The following FAM184A variants were observed in gnomAD, a reference collection of about 807,000 sequenced individuals.
FAM184A encodes the protein protein FAM184A.
FAM184A carries 99 observed loss-of-function variants against 143.8 expected under a neutral mutation model. That is an observed-to-expected ratio of 0.69 (90% CI 0.58 to 0.81). FAM184A has a LOEUF of 0.81. FAM184A is among the 40% of genes least tolerant of loss of function. FAM184A has a pLI of 0.00. For missense variants in FAM184A, 1,217 were observed against 1,310.5 expected, an observed-to-expected ratio of 0.93 and a Z score of 1.10; for synonymous variants, 427 against 446.4, an observed-to-expected ratio of 0.96 and a Z score of 0.55.
At chr6:119,094,305 C>G (rs1446846606) in intron 1 of FAM184A, among the ~76,000 whole-genome samples, 1 of 152,148 alleles carries the variant, frequency 6.6e-6, no homozygotes, top group African/African-American at 2.4e-5. Flanking sequence ...CACAGAATGT[C>G]TTGACCTGAT....
At chr6:119,109,005 C>T (rs1163692632) in intron 1 of FAM184A, among the ~76,000 whole-genome samples, 1 of 149,616 alleles carries the variant, frequency 6.7e-6, no homozygotes, top group Non-Finnish European at 1.5e-5. Flanking sequence ...CAAACATCTG[C>T]ATCCTTTCTT....
upstream of FAM184A, among the ~76,000 whole-genome samples, chr6:119,081,638 G>A (rs1448413663): frequency 6.6e-6 from 1 of 152,212 alleles, no homozygotes; most frequent in Non-Finnish European, 1.5e-5. Flanking sequence ...TGGGCTTGGA[G>A]AATGAGTGCA....
At position 119,002,848 on chromosome 6, in the gene FAM184A, CAG is replaced by C. The variant is rs771334510; in HGVS notation, c.2088+49_2088+50del. 6.2e-6 allele frequency: 9 copies of C among 1,449,726 alleles called. No homozygotes were observed. The African/African-American group carries it at 1.0e-4, about 16-fold the overall frequency. 89.8% of individuals were successfully genotyped at this position (1,449,726 alleles called of 1,614,324 possible). On this transcript the variant is annotated intron_variant, in intron 9 of 17. Coordinates refer to ENST00000338891, the MANE Select transcript of FAM184A (RefSeq NM_024581.6). ...CAGAGTTTTACAATATTTGCCTAGC[CAG>C]AGAATGTCAAGGGAGATGAAACTTC...
At chr6:119,116,906 G>T (rs1050078051) in intron 1 of FAM184A, among the ~76,000 whole-genome samples, 3 of 152,202 alleles carry the variant, frequency 2.0e-5, no homozygotes, top group South Asian at 2.1e-4. Flanking sequence ...GCCAGAAGAG[G>T]ACCCTGGGGA....
At chr6:119,039,811 C>T (rs556221089) in intron 1 of FAM184A, among the ~76,000 whole-genome samples, 1 of 152,302 alleles carries the variant, frequency 6.6e-6, no homozygotes, top group South Asian at 2.1e-4. Flanking sequence ...CTGTTAACAT[C>T]AAAACGTTAA....
At chr6:119,028,156 T>G (rs560590418) in intron 1 of FAM184A, among the ~76,000 whole-genome samples, 1 of 152,284 alleles carries the variant, frequency 6.6e-6, no homozygotes, top group East Asian at 1.9e-4. Context: ...GGAGGCCAGA[T>G]TTGAGCATTT....
upstream of FAM184A, among the ~76,000 whole-genome samples, chr6:119,082,651 G>A (rs1043185018): frequency 2.0e-5 from 3 of 152,258 alleles, no homozygotes; most frequent in Admixed American, 2.0e-4. Flanking sequence ...TTGACTCCAT[G>A]TCTCACATCC....
chr6:119,136,291 A>C (rs939727908), intron 1 of FAM184A, among the ~76,000 whole-genome samples: 3 of 151,090 alleles, frequency 2.0e-5, no homozygotes, highest in African/African-American at 4.8e-5. Flanking sequence ...TCTCAAAAAA[A>C]AAAAAAAAAA....
chr6:119,049,541 C>T (rs1786666978), intron 1 of FAM184A, among the ~76,000 whole-genome samples: 1 of 152,142 alleles, frequency 6.6e-6, no homozygotes, highest in Admixed American at 6.6e-5. Flanking sequence ...ATACCTATGA[C>T]CATCTAATCT....
rs772310108 is a variant in FAM184A, at chr6:118,975,991, G to T, written c.2509C>A (p.Arg837=). 8.1e-6 allele frequency: 13 copies of T among 1,613,032 alleles called. 1 individual carries two copies. The Admixed American group carries it at 1.8e-4, about 23-fold the overall frequency. Residue 837 remains arginine, a synonymous_variant, in exon 12 of 18, where the codon CGG becomes AGG. Coordinates refer to ENST00000338891, the MANE Select transcript of FAM184A (RefSeq NM_024581.6). The stretch of plus-strand genomic sequence containing the variant: ...GCCAATTCTTGATGATGATTATGCC[G>T]TAACAAATCAATTGCAGCTGCATGT... ...HQHAAAIDLL[R]HNHHQELAAA...
chr6:119,008,460 C>T (rs766508092), intron 6 of FAM184A, among the ~76,000 whole-genome samples: 3 of 152,190 alleles, frequency 2.0e-5, no homozygotes, highest in Non-Finnish European at 4.4e-5. Flanking sequence ...GAAGTCAACA[C>T]AAGAACAAAC....
At chr6:119,001,297 G>C (rs1784749251) in intron 9 of FAM184A, among the ~76,000 whole-genome samples, 1 of 151,188 alleles carries the variant, frequency 6.6e-6, no homozygotes. Context: ...AAACAATTCA[G>C]AAGTGTGGAA....
At chr6:119,025,719 G>A in intron 1 of FAM184A, 1 of 451,910 alleles carries the variant, frequency 2.2e-6, no homozygotes, top group Non-Finnish European at 4.3e-6. Flanking sequence ...AAGGCTTTGA[G>A]ATGAGCCCAC....
chr6:119,008,228 T>A (rs973263284), intron 6 of FAM184A, among the ~76,000 whole-genome samples: 1 of 152,206 alleles, frequency 6.6e-6, no homozygotes, highest in Non-Finnish European at 1.5e-5. Flanking sequence ...TATCGGTCCA[T>A]GTGGTCTTAG....
chr6:119,128,112 A>G (rs1265764501), intron 1 of FAM184A, among the ~76,000 whole-genome samples: 1 of 152,122 alleles, frequency 6.6e-6, no homozygotes, highest in Non-Finnish European at 1.5e-5. Flanking sequence ...ATTAACATTA[A>G]AACAGAGATC....
chr6:119,101,660 GT>G (rs1242528987), intron 1 of FAM184A, among the ~76,000 whole-genome samples: 1 of 152,150 alleles, frequency 6.6e-6, no homozygotes, highest in East Asian at 1.9e-4. Flanking sequence ...TACAAATCAT[GT>G]TAACATTCTT....
At chr6:119,028,177 TC>T (rs1314616233) in intron 1 of FAM184A, among the ~76,000 whole-genome samples, 6 of 152,054 alleles carry the variant, frequency 3.9e-5, no homozygotes, top group Non-Finnish European at 7.4e-5. Context: ...AGCTGGCTGG[TC>T]CCCCCCTGCT....
chr6:118,989,563 T>G (rs546051197), intron 9 of FAM184A, among the ~76,000 whole-genome samples: 27 of 115,836 alleles, frequency 2.3e-4, no homozygotes, highest in African/African-American at 7.9e-4. Context: ...GACTAAGATA[T>G]CCAATGATAT....
At chr6:119,063,311 TA>T (rs1562134275) in intron 1 of FAM184A, among the ~76,000 whole-genome samples, 1 of 152,154 alleles carries the variant, frequency 6.6e-6, no homozygotes, top group Admixed American at 6.5e-5. Context: ...AGTTGCTGTT[TA>T]AAAAAACTTA....
Sources: allele counts gnomAD v4.1 joint callset (sites outside exome capture counted in the v4.1 genomes callset), GRCh38; gene constraint gnomAD v4.1.1; transcripts MANE v1.5; gene names NCBI Gene and HGNC (gene_info 2026-07-23, HGNC 2026-07-21).